The following NRAP variants were observed in gnomAD, a reference collection of about 807,000 sequenced individuals.
The protein encoded by NRAP is nebulin related anchoring protein, also known as nebulin-related-anchoring protein.
Under a neutral mutation model 225.9 loss-of-function variants are expected in NRAP, and 189 were observed. That is an observed-to-expected ratio of 0.84 (90% CI 0.74 to 0.94). The LOEUF is 0.94. Among genes scored for constraint, NRAP ranks in the 40% least tolerant of loss-of-function variants. The probability of loss-of-function intolerance (pLI) is 0.00; values close to 1 mark genes in which losing one functional copy is unlikely to be tolerated. For missense variants in NRAP, 2,176 were observed against 2,168.7 expected (o/e 1.00, Z -0.07); for synonymous variants, 769 against 790.7 (o/e 0.97, Z 0.46).
intron 35 of NRAP, among the ~76,000 whole-genome samples, chr10:113,600,065 A>G (rs1846505142): frequency 6.6e-6 from 1 of 152,144 alleles, no homozygotes; most frequent in African/African-American, 2.4e-5. Flanking sequence ...AATAAGAAAC[A>G]TTACAATCAA....
At chr10:113,604,586 G>T in intron 35 of NRAP, 23 bp downstream of exon 35, 1 of 1,598,592 alleles carries the variant, frequency 6.3e-7, no homozygotes. Context: ...GGGCTGGTTT[G>T]CATTCCACAA....
At chr10:113,619,747 A>C (rs886492224) in intron 25 of NRAP, among the ~76,000 whole-genome samples, 2 of 152,106 alleles carry the variant, frequency 1.3e-5, no homozygotes. Flanking sequence ...ACAACTAGGC[A>C]AATGGTCACT....
intron 16 of NRAP, 40 bp downstream of exon 16, chr10:113,633,044 C>G (rs753071779): frequency 9.7e-7 from 1 of 1,029,260 alleles, no homozygotes. Flanking sequence ...TCACATCGCT[C>G]TATAACCCCC....
intron 31 of NRAP, among the ~76,000 whole-genome samples, chr10:113,610,163 A>C (rs542613099): frequency 6.6e-6 from 1 of 152,070 alleles, no homozygotes; most frequent in Non-Finnish European, 1.5e-5. Context: ...CAGCCTGGCC[A>C]ACATGGTGAA....
chr10:113,594,495 C>G (rs767210988), intron 38 of NRAP, among the ~76,000 whole-genome samples: 1 of 152,180 alleles, frequency 6.6e-6, no homozygotes, highest in Non-Finnish European at 1.5e-5. Context: ...CGATGGGTCT[C>G]CAATCGTTCC....
intron 20 of NRAP, among the ~76,000 whole-genome samples, chr10:113,627,973 T>C (rs900885224): frequency 1.3e-5 from 2 of 152,202 alleles, no homozygotes; most frequent in African/African-American, 4.8e-5. Flanking sequence ...TTGCAAGAGA[T>C]ATGCCGACTC....
chr10:113,610,381 AG>A, intron 31 of NRAP, 77 bp downstream of exon 31: 1 of 746,446 alleles, frequency 1.3e-6, no homozygotes, highest in South Asian at 1.7e-5. Context: ...AAAGGAAGAA[AG>A]AAAAAGGAAA....
At chr10:113,634,314 G>T in intron 14 of NRAP, 104 bp from the exon 15 acceptor site, 1 of 778,954 alleles carries the variant, frequency 1.3e-6, no homozygotes, top group Non-Finnish European at 2.3e-6. Flanking sequence ...AAATGGCTAC[G>T]TAGAAAAAGA....
intron 8 of NRAP, 82 bp downstream of exon 8, chr10:113,650,356 G>T: frequency 1.9e-6 from 2 of 1,047,814 alleles, no homozygotes; most frequent in Non-Finnish European, 3.0e-6. Context: ...AAATGCAAAA[G>T]TCAACAGGAA....
rs764698087 is a variant in NRAP at position 113,595,648 on chromosome 10, C to A, written c.4511G>T (p.Arg1504Leu). The A allele has an allele frequency of 1.2e-6, 2 of 1,613,122 alleles. No individual in the cohort carries two copies. The highest frequency in any genetic ancestry group is 3.3e-5 in the Admixed American group (2 of 60,024). Reference sequence around the variant, plus strand: ...GTCACTCAGATGCAGCGCATTGAGGCGAGCTCGGGTGAAATCGGGATGGTC... The same window carrying A: ...GTCACTCAGATGCAGCGCATTGAGGAGAGCTCGGGTGAAATCGGGATGGTC... The part of the protein sequence containing the change: ...IPDHPDFTRA[R>L]LNALHLSDKV... The change falls in exon 38 of 42, where the codon CGC becomes CTC. Residue 1504 changes from arginine (R) to leucine (L), a missense_variant. By Grantham distance (102) the Arg-to-Leu change is moderately radical. Around this residue, in one of 3 missense-constraint regions of NRAP, gnomAD observed 445 missense variants for 426.1 expected, o/e 1.04. Transcript: ENST00000359988.
intron 18 of NRAP, among the ~76,000 whole-genome samples, chr10:113,630,692 A>T (rs1848530073): frequency 6.6e-6 from 1 of 152,202 alleles, no homozygotes; most frequent in Non-Finnish European, 1.5e-5. Flanking sequence ...CCAAATTCTC[A>T]ATGCCTCTTT....
chr10:113,643,827 T>C (rs886338510), intron 11 of NRAP, among the ~76,000 whole-genome samples: 3 of 152,212 alleles, frequency 2.0e-5, no homozygotes, highest in Admixed American at 2.0e-4. Context: ...TGTTATCATA[T>C]CTTATAAAAC....
At chr10:113,603,778 GC>G (rs945956193) in intron 35 of NRAP, among the ~76,000 whole-genome samples, 1 of 152,112 alleles carries the variant, frequency 6.6e-6, no homozygotes, top group African/African-American at 2.4e-5. Flanking sequence ...TATTCAGTTT[GC>G]CTGGAGTTCC....
intron 23 of NRAP, 27 bp downstream of exon 23, chr10:113,623,502 T>C: frequency 6.7e-7 from 1 of 1,494,998 alleles, no homozygotes; most frequent in Non-Finnish European, 9.3e-7. Context: ...TTCTGCGGTC[T>C]CTTGTACAAG....
rs371589315 is a variant in NRAP, at chr10:113,629,794, T to C, written c.1843-9A>G. ...CCTTTCTTATATTCAACCTTGAATA[T>C]ACCAAAACAAGGCCCGTTTTGTTAG... On this transcript the variant is annotated splice_polypyrimidine_tract_variant and intron_variant, in intron 18 of 41. Coordinates refer to ENST00000359988, the MANE Select transcript of NRAP (RefSeq NM_198060.4). 2.8e-5 allele frequency: 44 copies of C among 1,599,398 alleles called. No homozygotes were observed. Among genetic ancestry groups the C allele is most frequent in the African/African-American group, 1.1e-4 (8 of 74,656 alleles).
chr10:113,600,157 C>A (rs956260386), intron 35 of NRAP, among the ~76,000 whole-genome samples: 1 of 82,262 alleles, frequency 1.2e-5, no homozygotes. Flanking sequence ...GGGTTATATT[C>A]TCTCTCTCTC....
Position 113,590,611 on chromosome 10 carries a change from C to G in NRAP, c.4923G>C (p.Arg1641Ser). ...PTCDPEQLGL[R>S]HAQKAHQLQS... is the part of the protein sequence containing the mutation. ...GCAGCTGGTGGGCCTTCTGAGCATG[C>G]CTGAGGCCCAGCTGCTCCGGGTCGC... The change falls in exon 40 of 42, where the codon AGG (arginine) becomes AGC (serine). Residue 1641 changes from arginine to serine, a missense_variant. Arg to Ser is a moderately radical substitution (Grantham distance 110). Transcript: ENST00000359988. 1 of 1,613,236 alleles carries G rather than the reference C, an allele frequency of 6.2e-7. No individual in the cohort carries two copies. The highest frequency in any genetic ancestry group is 1.1e-5 in the South Asian group (1 of 91,066).
chr10:113,626,258 G>A, intron 20 of NRAP, 113 bp from the exon 21 acceptor site: 2 of 704,686 alleles, frequency 2.8e-6, no homozygotes, highest in Non-Finnish European at 4.7e-6. Flanking sequence ...CATTTCCTTG[G>A]GAGGAATGTT....
At chr10:113,651,705 T>C in intron 7 of NRAP, 98 bp downstream of exon 7, 1 of 701,648 alleles carries the variant, frequency 1.4e-6, no homozygotes, top group Non-Finnish European at 2.5e-6. Context: ...TAAAGATACA[T>C]GCACGTGTAT....
Sources: gnomAD v4.1 joint callset for allele counts (sites outside exome capture counted in the v4.1 genomes callset) on GRCh38, gnomAD v4.1.1 for gene constraint, gnomAD v4.1.1 regional missense constraint, MANE v1.5 for transcripts, NCBI Gene and HGNC (gene_info 2026-07-23, HGNC 2026-07-21) for gene names.